EPHA7: variants seen among roughly 807,000 people sequenced by gnomAD.
EPHA7 encodes ephrin type-A receptor 7.
EPHA7 carries 25 observed loss-of-function variants against 112.6 expected under a neutral mutation model. That is an observed-to-expected ratio of 0.22 (90% CI 0.16 to 0.31). EPHA7 has a LOEUF of 0.31. Ranked by LOEUF, EPHA7 falls within the 10% of genes least tolerant of loss-of-function variation. The probability of loss-of-function intolerance (pLI) is 1.00; values close to 1 mark genes in which losing one functional copy is unlikely to be tolerated. For synonymous variants in EPHA7, 437 were observed against 406.5 expected, an observed-to-expected ratio of 1.07 and a Z score of -0.90; for missense variants, 962 against 1,212.6, an observed-to-expected ratio of 0.79 and a Z score of 3.07.
intron 5 of EPHA7, among the ~76,000 whole-genome samples, chr6:93,343,133 T>C (rs1296361237): frequency 1.3e-5 from 2 of 151,760 alleles, no homozygotes; most frequent in African/African-American, 4.8e-5. Flanking sequence ...ACTTTATACT[T>C]TTTAATTTAA....
chr6:93,360,721 C>G (rs1776220733), intron 3 of EPHA7, among the ~76,000 whole-genome samples: 1 of 152,064 alleles, frequency 6.6e-6, no homozygotes, highest in African/African-American at 2.4e-5. Flanking sequence ...ACTCTTATCA[C>G]TTAACTTTCA....
chr6:93,251,817 G>A (rs1770229876), intron 14 of EPHA7, among the ~76,000 whole-genome samples: 1 of 151,908 alleles, frequency 6.6e-6, no homozygotes, highest in African/African-American at 2.4e-5. Context: ...AGTCATTAAT[G>A]GAAAGAGCTA....
At position 93,283,618 on chromosome 6, in the gene EPHA7, C is replaced by T. The variant is rs542506008; in HGVS notation, c.1325-11196G>A. Among the ~76,000 whole-genome samples the T allele has an allele frequency of 1.4e-4, 22 of 152,170 alleles. No homozygotes were observed. In the South Asian group the frequency reaches 2.9e-3, roughly 20 times the overall value. On this transcript the variant is annotated intron_variant, in intron 5 of 16. Coordinates refer to ENST00000369303, the MANE Select transcript of EPHA7 (RefSeq NM_004440.4). The stretch of plus-strand genomic sequence containing the variant: ...GCCTTAAGAGCTGTAACACTCACCG[C>T]GAAGGTCTGCAGCTTCACTCCCGAA...
intron 5 of EPHA7, among the ~76,000 whole-genome samples, chr6:93,312,097 G>A (rs1773571912): frequency 6.6e-6 from 1 of 152,036 alleles, no homozygotes; most frequent in Non-Finnish European, 1.5e-5. Context: ...ATAATTTAAG[G>A]GCCCTAAGAT....
intron 3 of EPHA7, among the ~76,000 whole-genome samples, chr6:93,376,398 C>T (rs1777060401): frequency 1.3e-5 from 2 of 152,102 alleles, no homozygotes; most frequent in South Asian, 4.1e-4. Context: ...GTCTTGGCCT[C>T]TCAAAGTGCT....
At chr6:93,272,131 G>T (rs1201411226) in intron 6 of EPHA7, among the ~76,000 whole-genome samples, 167 bp downstream of exon 6, 1 of 151,808 alleles carries the variant, frequency 6.6e-6, no homozygotes, top group Non-Finnish European at 1.5e-5. Flanking sequence ...CATTTATAAT[G>T]ATAAGCCAGA....
chr6:93,253,343 A>T (rs1770299287), intron 14 of EPHA7, among the ~76,000 whole-genome samples: 2 of 152,090 alleles, frequency 1.3e-5, no homozygotes, highest in Admixed American at 6.5e-5. Flanking sequence ...TCAAAATATC[A>T]ATAGATATAA....
At chr6:93,363,234 T>G (rs1776342883) in intron 3 of EPHA7, among the ~76,000 whole-genome samples, 1 of 151,996 alleles carries the variant, frequency 6.6e-6, no homozygotes, top group African/African-American at 2.4e-5. Flanking sequence ...ATCCTGGAGG[T>G]TCCAGGTATT....
intron 6 of EPHA7, among the ~76,000 whole-genome samples, chr6:93,271,036 C>T (rs1337195272): frequency 6.6e-6 from 1 of 151,616 alleles, no homozygotes; most frequent in Non-Finnish European, 1.5e-5. Flanking sequence ...TGTTTCATTG[C>T]TTTTGAAATT....
At chr6:93,250,757 C>T (rs936175873) in intron 14 of EPHA7, among the ~76,000 whole-genome samples, 2 of 152,062 alleles carry the variant, frequency 1.3e-5, no homozygotes, top group African/African-American at 2.4e-5. Flanking sequence ...ACTAGAAACT[C>T]CTTGTATTTG....
intron 5 of EPHA7, among the ~76,000 whole-genome samples, chr6:93,332,997 G>A (rs1381190927): frequency 6.6e-6 from 1 of 151,588 alleles, no homozygotes; most frequent in Non-Finnish European, 1.5e-5. Flanking sequence ...AATAAGCATA[G>A]TATCTGACAG....
At chr6:93,327,053 T>C (rs1019697907) in intron 5 of EPHA7, among the ~76,000 whole-genome samples, 4 of 151,540 alleles carry the variant, frequency 2.6e-5, no homozygotes, top group African/African-American at 9.7e-5. Flanking sequence ...ATATTCCCAG[T>C]TGGAAGTGGC....
intron 3 of EPHA7, among the ~76,000 whole-genome samples, chr6:93,409,361 C>A (rs1008388581): frequency 6.6e-6 from 1 of 151,952 alleles, no homozygotes; most frequent in African/African-American, 2.4e-5. Context: ...TAACTGCAAG[C>A]AAGCTATTTA....
At chr6:93,256,365 G>T (rs1345759102) in intron 12 of EPHA7, among the ~76,000 whole-genome samples, 3 of 151,892 alleles carry the variant, frequency 2.0e-5, no homozygotes, top group African/African-American at 7.2e-5. Context: ...CAATAGCTAA[G>T]TGTTTTCCCC....
At chr6:93,364,719 AACT>A (rs1264018671) in intron 3 of EPHA7, among the ~76,000 whole-genome samples, 3 of 152,054 alleles carry the variant, frequency 2.0e-5, no homozygotes, top group South Asian at 2.1e-4. Flanking sequence ...ACCTATGTAC[AACT>A]ACTGTGTACT....
chr6:93,325,264 T>C (rs963184699), intron 5 of EPHA7, among the ~76,000 whole-genome samples: 2 of 151,380 alleles, frequency 1.3e-5, no homozygotes, highest in African/African-American at 4.8e-5. Flanking sequence ...TTCTATATTA[T>C]AGAAACTTCA....
chr6:93,373,813 TA>T (rs892325540), intron 3 of EPHA7, among the ~76,000 whole-genome samples: 3 of 151,948 alleles, frequency 2.0e-5, no homozygotes, highest in Non-Finnish European at 2.9e-5. Context: ...TGCCATTTAC[TA>T]ATGGATTAGT....
chr6:93,414,851 T>A, intron 1 of EPHA7, 84 bp from the exon 2 acceptor site: 1 of 1,031,202 alleles, frequency 9.7e-7, no homozygotes, highest in Non-Finnish European at 1.5e-6. Flanking sequence ...TCTTTTCATA[T>A]AACTATCACT....
At chr6:93,295,282 G>C (rs1772601711) in intron 5 of EPHA7, among the ~76,000 whole-genome samples, 1 of 151,886 alleles carries the variant, frequency 6.6e-6, no homozygotes, top group South Asian at 2.1e-4. Context: ...GTGTGTTTGG[G>C]ATGACCTTTA....
Sources: allele counts gnomAD v4.1 joint callset (sites outside exome capture counted in the v4.1 genomes callset), GRCh38; gene constraint gnomAD v4.1.1; transcripts MANE v1.5; gene names NCBI Gene and HGNC (gene_info 2026-07-23, HGNC 2026-07-21).